Variants in MYH9 observed in about 807,000 individuals in gnomAD.
The protein encoded by MYH9 is myosin heavy chain 9.
Under a neutral mutation model 241.9 loss-of-function variants are expected in MYH9, and 29 were observed. The ratio of observed to expected loss-of-function variants is 0.12; its 90% CI spans 0.09 to 0.16. MYH9 has a LOEUF of 0.16. Among genes scored for constraint, MYH9 ranks in the 10% least tolerant of loss-of-function variants. MYH9 has a pLI of 1.00. For synonymous variants in MYH9, 1,047 were observed against 1,062.6 expected (o/e 0.99, Z 0.29); for missense variants, 1,803 against 2,595.5 (o/e 0.69, Z 6.63).
rs2016779009 is a variant in MYH9 at position 36,295,772 on chromosome 22, G to C, written c.3273-55C>G. ...AGGAGAGTTTCACCTCCAAGGAGCA[G>C]AGTTTGCAGGACAGGCCTGAGAGAG... On this transcript the variant is annotated intron_variant, in intron 25 of 40. Coordinates refer to ENST00000216181, the MANE Select transcript of MYH9 (RefSeq NM_002473.6). This position sits in a 1 kb window ranked among gnomAD's most constrained non-coding sequence, Gnocchi z 4.1. 1.3e-6 allele frequency: 2 copies of C among 1,523,956 alleles called. No individual in the cohort carries two copies. The highest frequency in any genetic ancestry group is 2.3e-5 in the South Asian group (2 of 86,680). 94.4% of individuals were successfully genotyped at this position (1,523,956 alleles called of 1,614,324 possible). A position where few individuals can be genotyped will look rare whatever the true frequency, so the allele number is the denominator to read the frequency against.
intron 12 of MYH9, 96 bp downstream of exon 12, chr22:36,316,421 C>A: frequency 6.4e-7 from 1 of 1,574,708 alleles, no homozygotes; most frequent in Non-Finnish European, 8.7e-7. Flanking sequence ...CAACTCAGAT[C>A]GATGCAGGAC....
At chr22:36,369,141 A>G (rs1188661074) in intron 1 of MYH9, among the ~76,000 whole-genome samples, 3 of 152,138 alleles carry the variant, frequency 2.0e-5, no homozygotes, top group African/African-American at 7.2e-5. Context: ...ACAGCTAGTC[A>G]ATGGCAGGAG....
At chr22:36,345,520 T>C (rs6000243) in intron 2 of MYH9, among the ~76,000 whole-genome samples, 4,564 of 152,154 alleles carry the variant, frequency 0.03, 222 homozygotes, top group African/African-American at 0.1. Flanking sequence ...ACATAAGCTA[T>C]AAAGCCTGCC....
intron 1 of MYH9, among the ~76,000 whole-genome samples, chr22:36,378,915 A>G (rs1292649901): frequency 6.6e-6 from 1 of 152,144 alleles, no homozygotes; most frequent in East Asian, 1.9e-4. Context: ...ACCAGGGGCC[A>G]AGGTTTTCTA....
intron 6 of MYH9, 44 bp from the exon 7 acceptor site, chr22:36,321,865 T>C (rs2017257886): frequency 1.3e-6 from 2 of 1,558,214 alleles, no homozygotes; most frequent in Non-Finnish European, 1.8e-6. Flanking sequence ...GCCCCTGACA[T>C]GGGGAGCTAG....
intron 1 of MYH9, among the ~76,000 whole-genome samples, chr22:36,372,494 C>CAAATA (rs2018103848): frequency 1.4e-5 from 1 of 71,746 alleles, no homozygotes; most frequent in African/African-American, 4.7e-5. Context: ...CCCTGTCTCT[C>CAAATA]AAAAAAAAAA....
intron 1 of MYH9, among the ~76,000 whole-genome samples, chr22:36,379,739 G>A (rs1026336692): frequency 6.6e-6 from 1 of 152,176 alleles, no homozygotes; most frequent in Non-Finnish European, 1.5e-5. Flanking sequence ...GGAAGGCCCT[G>A]CAAAGGCTCC....
intron 30 of MYH9, among the ~76,000 whole-genome samples, chr22:36,292,834 G>A (rs2016728325): frequency 6.6e-6 from 1 of 152,216 alleles, no homozygotes; most frequent in Non-Finnish European, 1.5e-5. Context: ...AAATAAACAT[G>A]GGATCAGCAG....
At chr22:36,318,907 G>T (rs890266520) in intron 10 of MYH9, among the ~76,000 whole-genome samples, 2 of 152,112 alleles carry the variant, frequency 1.3e-5, no homozygotes, top group African/African-American at 4.8e-5. Context: ...GGGATTACAG[G>T]CGCACGCCAC....
chr22:36,320,147 C>A lies in MYH9; in HGVS notation c.1012+73G>T. The A allele has an allele frequency of 1.9e-6, 3 of 1,552,244 alleles. No homozygotes were observed. The highest frequency in any genetic ancestry group is 1.1e-5 in the South Asian group (1 of 89,844). The stretch of plus-strand genomic sequence containing the variant: ...CAGGCTCCCCAGGCCCATCGGCTAC[C>A]CTGATGCCCCGAGGCCGTGGGTACC... On this transcript the variant is annotated intron_variant, in intron 9 of 40. Transcript: ENST00000216181. This position sits in a 1 kb window ranked among gnomAD's most constrained non-coding sequence, Gnocchi z 4.8.
chr22:36,378,109 T>C (rs1455092670), intron 1 of MYH9, among the ~76,000 whole-genome samples: 3 of 140,064 alleles, frequency 2.1e-5, no homozygotes, highest in African/African-American at 5.3e-5. Context: ...ACCCTGTCTC[T>C]ACAAAAAAAA....
At chr22:36,304,903 G>A (rs1189148269) in intron 18 of MYH9, 130 bp downstream of exon 18, 13 of 921,268 alleles carry the variant, frequency 1.4e-5, no homozygotes, top group East Asian at 9.8e-5. Context: ...AGTCAGACGC[G>A]GAGCATCAGA....
chr22:36,284,384 G>A lies in MYH9; in HGVS notation c.5592+19C>T. 6.2e-7 allele frequency: 1 copy of A among 1,610,542 alleles called. No individual in the cohort carries two copies. Among genetic ancestry groups the A allele is most frequent in the Non-Finnish European group, 8.5e-7 (1 of 1,179,658 alleles). Reference sequence around the variant, plus strand: ...GCCCAGCCCCGCTGCCCTTCTCACTGCCCCACCAGCGCCCACACCTGGTCC... The same window carrying A: ...GCCCAGCCCCGCTGCCCTTCTCACTACCCCACCAGCGCCCACACCTGGTCC... On this transcript the variant is annotated intron_variant, in intron 39 of 40. Coordinates refer to ENST00000216181, the MANE Select transcript of MYH9 (RefSeq NM_002473.6).
chr22:36,321,831 A>C lies in MYH9; in HGVS notation c.706-10T>G. 6.2e-7 allele frequency: 1 copy of C among 1,613,180 alleles called. No homozygotes were observed. Among genetic ancestry groups the C allele is most frequent in the Non-Finnish European group, 8.5e-7 (1 of 1,179,150 alleles). On this transcript the variant is annotated splice_polypyrimidine_tract_variant and intron_variant, in intron 6 of 40. Coordinates refer to ENST00000216181, the MANE Select transcript of MYH9 (RefSeq NM_002473.6). ...TGCGAATGAATTTGCCCTAAGTAAG[A>C]AAGGATAGCAAGAGATCAGAGGTGC...
At chr22:36,341,627 G>A in intron 2 of MYH9, 101 bp from the exon 3 acceptor site, 1 of 1,387,064 alleles carries the variant, frequency 7.2e-7, no homozygotes, top group Non-Finnish European at 1.0e-6. Flanking sequence ...GGACCCCTGA[G>A]TCAGCCTGAT....
chr22:36,299,866 G>A (rs1032100888), intron 23 of MYH9, among the ~76,000 whole-genome samples: 3 of 152,296 alleles, frequency 2.0e-5, no homozygotes, highest in Middle Eastern at 3.4e-3. Context: ...ACACAGGCTC[G>A]GGTCTCACGG....
At chr22:36,321,721 G>A (rs1319704710) in intron 7 of MYH9, 37 bp downstream of exon 7, 1 of 1,593,914 alleles carries the variant, frequency 6.3e-7, no homozygotes, top group Non-Finnish European at 8.6e-7. Flanking sequence ...CTCCCCTCCG[G>A]ATCCAGGACT....
intron 1 of MYH9, among the ~76,000 whole-genome samples, chr22:36,371,512 T>C (rs1603484520): frequency 1.3e-5 from 2 of 152,172 alleles, no homozygotes; most frequent in South Asian, 2.1e-4. Context: ...TACTTCATCA[T>C]AGCAGCCTGA....
intron 12 of MYH9, among the ~76,000 whole-genome samples, chr22:36,316,279 C>T (rs558483838): frequency 8.6e-5 from 13 of 151,154 alleles, no homozygotes; most frequent in East Asian, 2.0e-4. Context: ...AGCAATCTGC[C>T]GGCCTTGGCC....
Sources: allele counts gnomAD v4.1 joint callset (sites outside exome capture counted in the v4.1 genomes callset), GRCh38; gene constraint gnomAD v4.1.1; non-coding constraint Gnocchi (gnomAD v3.1); transcripts MANE v1.5; gene names NCBI Gene and HGNC (gene_info 2026-07-23, HGNC 2026-07-21).